MSR1: variants seen among roughly 807,000 people sequenced by gnomAD.
The protein encoded by MSR1 is macrophage scavenger receptor 1, also known as macrophage scavenger receptor types I and II.
MSR1 carries 53 observed loss-of-function variants against 47.2 expected under a neutral mutation model. That is an observed-to-expected ratio of 1.12 (90% CI 0.90 to 1.41). The LOEUF (loss-of-function observed/expected upper bound fraction) is 1.41. MSR1 is among the 40% of genes most tolerant of loss of function. The pLI is 0.00. For missense variants in MSR1, 786 were observed against 546.9 expected, an observed-to-expected ratio of 1.44 and a Z score of -4.36; for synonymous variants, 239 against 185.6, an observed-to-expected ratio of 1.29 and a Z score of -2.34.
At position 16,115,036 on chromosome 8, in the gene MSR1, G is replaced by C. The variant is rs190090686; in HGVS notation, c.1223-4818C>G. Among the ~76,000 whole-genome samples, 46 of 152,046 alleles carry C rather than the reference G, an allele frequency of 3.0e-4. No individual in the cohort carries two copies. In the East Asian group the frequency reaches 7.6e-3, roughly 25 times the overall value. ...CTACTAAATATACAAAAAATTAGTT[G>C]GGTGTGGTGGTGCATGCCTGTAATC... On this transcript the variant is annotated intron_variant, in intron 9 of 9. Transcript: ENST00000262101.
At chr8:16,164,325 T>A in intron 4 of MSR1, 74 bp from the exon 5 acceptor site, 2 of 1,318,560 alleles carry the variant, frequency 1.5e-6, no homozygotes, top group Non-Finnish European at 2.2e-6. Context: ...CAAGAAACCC[T>A]CGGAGTTCAG....
At chr8:16,130,969 C>T (rs1051014814) in intron 8 of MSR1, among the ~76,000 whole-genome samples, 38 of 151,992 alleles carry the variant, frequency 2.5e-4, no homozygotes, top group African/African-American at 8.4e-4. Context: ...TATGGTAGAA[C>T]GATTTGTATT....
In MSR1 at chr8:16,110,281, G is replaced by C. The variant is rs1023957208; in HGVS notation, c.1223-63C>G. 70 of 1,565,526 alleles carry C rather than the reference G, an allele frequency of 4.5e-5. 1 individual carries two copies. Among genetic ancestry groups the C allele is most frequent in the South Asian group, 6.7e-5 (6 of 90,142 alleles). On this transcript the variant is annotated intron_variant, in intron 9 of 9. Coordinates refer to ENST00000262101, the MANE Select transcript of MSR1 (RefSeq NM_138715.3). ...AGTTTAGTGTTTCTCTTTGAGTGGGGCAAAGCCATTAATTCCTTCACTAAT... is the reference window on the plus strand; with the variant it reads ...AGTTTAGTGTTTCTCTTTGAGTGGGCCAAAGCCATTAATTCCTTCACTAAT...
chr8:16,119,546 G>A (rs890900991), intron 9 of MSR1, among the ~76,000 whole-genome samples: 2 of 151,782 alleles, frequency 1.3e-5, no homozygotes, highest in Non-Finnish European at 2.9e-5. Context: ...AATTATTTTA[G>A]GTAAAATAGT....
At chr8:16,185,121 T>C (rs1227490547) in intron 1 of MSR1, among the ~76,000 whole-genome samples, 1 of 148,758 alleles carries the variant, frequency 6.7e-6, no homozygotes, top group Non-Finnish European at 1.5e-5. Flanking sequence ...TGGTTTATCA[T>C]GAACTGCACG....
At chr8:16,150,407 A>T in intron 6 of MSR1, 96 bp from the exon 7 acceptor site, 1 of 528,672 alleles carries the variant, frequency 1.9e-6, no homozygotes, top group Non-Finnish European at 3.1e-6. Flanking sequence ...GTGAATATGA[A>T]ATTAGAGAAT....
intron 3 of MSR1, among the ~76,000 whole-genome samples, chr8:16,169,628 T>C (rs1408802773): frequency 3.9e-5 from 6 of 152,148 alleles, no homozygotes; most frequent in Non-Finnish European, 8.8e-5. Context: ...TGTACGTGTC[T>C]CAACCCTTAT....
In MSR1 at chr8:16,120,346, C is replaced by T. The variant is rs1432811441; in HGVS notation, c.1222+72G>A. ...GAGCCGAGATCGCGCCACTGCACTCCAGTCTGGGCGACAGAATGAGACTCT... is the reference window on the plus strand; with the variant it reads ...GAGCCGAGATCGCGCCACTGCACTCTAGTCTGGGCGACAGAATGAGACTCT... On this transcript the variant is annotated intron_variant, in intron 9 of 9. Transcript: ENST00000262101. 3 of 1,535,246 alleles carry T rather than the reference C, an allele frequency of 2.0e-6. No homozygotes were observed. In the East Asian group the frequency reaches 6.8e-5, roughly 35 times the overall value.
intron 5 of MSR1, among the ~76,000 whole-genome samples, chr8:16,157,520 A>G (rs1801044389): frequency 6.6e-6 from 1 of 151,876 alleles, no homozygotes; most frequent in Non-Finnish European, 1.5e-5. Flanking sequence ...TTGTCATTCT[A>G]TTCTTCATGT....
intron 5 of MSR1, among the ~76,000 whole-genome samples, chr8:16,155,862 T>C (rs904757591): frequency 6.6e-6 from 1 of 151,934 alleles, no homozygotes; most frequent in Non-Finnish European, 1.5e-5. Flanking sequence ...ATAAATACTG[T>C]AAACAAAATG....
chr8:16,172,537 T>C (rs1388391562), intron 3 of MSR1, among the ~76,000 whole-genome samples: 3 of 152,174 alleles, frequency 2.0e-5, no homozygotes, highest in Non-Finnish European at 4.4e-5. Flanking sequence ...CAGAATTTTA[T>C]GGTCTGTGCA....
chr8:16,175,004 ATTTT>A (rs545043077), intron 3 of MSR1, among the ~76,000 whole-genome samples, 179 bp downstream of exon 3: 1 of 151,968 alleles, frequency 6.6e-6, no homozygotes, highest in African/African-American at 2.4e-5. Context: ...TTTAAAAACT[ATTTT>A]TTTCTACTTA....
At chr8:16,145,526 T>C (rs1240714214) in intron 7 of MSR1, among the ~76,000 whole-genome samples, 1 of 152,252 alleles carries the variant, frequency 6.6e-6, no homozygotes, top group East Asian at 1.9e-4. Context: ...ACACAGCAAC[T>C]TGTCTTAGAT....
intron 8 of MSR1, chr8:16,139,315 C>G (rs552816504): frequency 1.0e-6 from 1 of 982,306 alleles, no homozygotes; most frequent in Non-Finnish European, 1.2e-6. Flanking sequence ...GCGAAGCATA[C>G]CTTACATCTT....
chr8:16,127,227 T>C (rs988086953), intron 8 of MSR1, among the ~76,000 whole-genome samples: 1 of 152,182 alleles, frequency 6.6e-6, no homozygotes, highest in Non-Finnish European at 1.5e-5. Context: ...GGCATCTTTA[T>C]ATGATAAAAG....
intron 8 of MSR1, among the ~76,000 whole-genome samples, chr8:16,122,337 G>C (rs1413942267): frequency 6.6e-6 from 1 of 152,078 alleles, no homozygotes; most frequent in Admixed American, 6.6e-5. Flanking sequence ...TTACATATTA[G>C]AGACATGTTT....
At chr8:16,136,878 C>T (rs1035745906) in intron 8 of MSR1, among the ~76,000 whole-genome samples, 2 of 151,932 alleles carry the variant, frequency 1.3e-5, no homozygotes, top group Admixed American at 6.6e-5. Context: ...TGGGATTACA[C>T]GTGTGAGCCA....
intron 3 of MSR1, among the ~76,000 whole-genome samples, chr8:16,169,170 A>C (rs911467002): frequency 2.0e-5 from 3 of 152,100 alleles, no homozygotes; most frequent in Admixed American, 2.0e-4. Flanking sequence ...TTGCCAATTA[A>C]AAAAAAATTC....
At chr8:16,116,341 C>G (rs1428496692) in intron 9 of MSR1, among the ~76,000 whole-genome samples, 1 of 152,142 alleles carries the variant, frequency 6.6e-6, no homozygotes, top group Non-Finnish European at 1.5e-5. Flanking sequence ...AGTTAGAAAA[C>G]TCCTAATCTT....
Sources: allele counts gnomAD v4.1 joint callset (sites outside exome capture counted in the v4.1 genomes callset), GRCh38; gene constraint gnomAD v4.1.1; transcripts MANE v1.5; gene names NCBI Gene and HGNC (gene_info 2026-07-23, HGNC 2026-07-21).